WWC1: variants seen among roughly 807,000 people sequenced by gnomAD.
WWC1 encodes the protein WW and C2 domain containing 1, also known as protein KIBRA.
Under a neutral mutation model 138.4 loss-of-function variants are expected in WWC1, and 55 were observed. The observed-to-expected ratio is 0.40, with a 90% CI of 0.32 to 0.50. The LOEUF is 0.50. Ranked by LOEUF, WWC1 falls within the 20% of genes least tolerant of loss-of-function variation. The pLI, the probability that WWC1 is intolerant of heterozygous loss-of-function variation, is 0.72. For synonymous variants in WWC1, 524 were observed against 564.9 expected, an observed-to-expected ratio of 0.93 and a Z score of 1.03; for missense variants, 1,226 against 1,420.4, an observed-to-expected ratio of 0.86 and a Z score of 2.20.
At chr5:168,381,268 G>A (rs1272456879) in intron 2 of WWC1, among the ~76,000 whole-genome samples, 1 of 152,152 alleles carries the variant, frequency 6.6e-6, no homozygotes, top group African/African-American at 2.4e-5. Flanking sequence ...TAGTTTTACA[G>A]AGCAGTGCTG....
intron 17 of WWC1, among the ~76,000 whole-genome samples, chr5:168,450,673 T>A (rs13177768): frequency 0.31 from 47,174 of 151,612 alleles, 8,618 homozygotes; most frequent in Middle Eastern, 0.45. Context: ...CTCAAAAAAA[T>A]AAAATAAAAT....
chr5:168,409,399 C>G (rs535509449), intron 7 of WWC1, among the ~76,000 whole-genome samples: 2 of 152,318 alleles, frequency 1.3e-5, no homozygotes, highest in South Asian at 4.1e-4. Flanking sequence ...CCTTCCTTCC[C>G]CATACCACCA....
chr5:168,323,947 C>G (rs917010425), intron 1 of WWC1, among the ~76,000 whole-genome samples: 1 of 152,184 alleles, frequency 6.6e-6, no homozygotes, highest in African/African-American at 2.4e-5. Context: ...GACTTCTCAT[C>G]AGAGACGATA....
intron 1 of WWC1, among the ~76,000 whole-genome samples, chr5:168,355,818 T>C (rs771005022): frequency 2.0e-5 from 3 of 150,574 alleles, no homozygotes; most frequent in Non-Finnish European, 4.4e-5. Flanking sequence ...CAGGAAGGAG[T>C]GTAGGTAGAA....
intron 1 of WWC1, among the ~76,000 whole-genome samples, chr5:168,342,457 C>T (rs1007800179): frequency 1.1e-4 from 16 of 152,292 alleles, no homozygotes; most frequent in East Asian, 7.7e-4. Flanking sequence ...CCTGGAAGCT[C>T]ACAGTTCAGC....
intron 16 of WWC1, among the ~76,000 whole-genome samples, chr5:168,442,318 T>C (rs760833467): frequency 7.9e-5 from 12 of 151,730 alleles, no homozygotes; most frequent in Admixed American, 2.0e-4. Flanking sequence ...AAGGTTGTTA[T>C]GAGGATGGGC....
At chr5:168,407,626 A>G (rs1049202781) in intron 6 of WWC1, among the ~76,000 whole-genome samples, 9 of 152,192 alleles carry the variant, frequency 5.9e-5, no homozygotes, top group Admixed American at 5.9e-4. Flanking sequence ...AGTGGTTGAG[A>G]TCATGGAGCC....
chr5:168,399,752 G>A (rs960847165), intron 5 of WWC1, among the ~76,000 whole-genome samples, 185 bp downstream of exon 5: 1 of 152,100 alleles, frequency 6.6e-6, no homozygotes, highest in Non-Finnish European at 1.5e-5. Flanking sequence ...GGTGGGGTTT[G>A]GAAAGAGGAA....
intron 8 of WWC1, among the ~76,000 whole-genome samples, chr5:168,413,857 G>A (rs1273425502): frequency 1.3e-5 from 2 of 152,172 alleles, no homozygotes; most frequent in Non-Finnish European, 2.9e-5. Context: ...TGGGGAATTG[G>A]CCCAATGTTA....
chr5:168,303,108 G>A (rs1276019523), intron 1 of WWC1, among the ~76,000 whole-genome samples: 1 of 152,128 alleles, frequency 6.6e-6, no homozygotes, highest in East Asian at 1.9e-4. Context: ...CCGTTTTGCA[G>A]ACAAGGAAAC....
Position 168,471,989 on chromosome 5 carries a change from A to T in WWC1, c.*2972A>T, listed in dbSNP as rs150329647. The T allele has an allele frequency of 3.1e-4, 48 of 152,406 alleles. No homozygotes were observed. The highest frequency in any genetic ancestry group is 5.9e-4 in the Admixed American group (9 of 15,310). The allele number at this position is 152,406 out of a possible 1,614,324, so 9.4% of individuals were successfully genotyped here. ...CTCAGTGACACATTCATCTGTGCTC[A>T]GTTGTCCCAGCAAGGGTCAGCCCCT... On this transcript the variant is annotated 3_prime_UTR_variant, in exon 23 of 23. Coordinates refer to ENST00000265293, the MANE Select transcript of WWC1 (RefSeq NM_015238.3).
chr5:168,310,370 AATT>A (rs1457702807), intron 1 of WWC1, among the ~76,000 whole-genome samples: 1 of 151,274 alleles, frequency 6.6e-6, no homozygotes, highest in Non-Finnish European at 1.5e-5. Flanking sequence ...TATTATATAT[AATT>A]ATTTATCTAA....
At chr5:168,427,995 C>G in intron 11 of WWC1, 38 bp from the exon 12 acceptor site, 1 of 1,585,378 alleles carries the variant, frequency 6.3e-7, no homozygotes, top group Non-Finnish European at 8.7e-7. Context: ...AGGCAGTTTC[C>G]TGGTTCCTGA....
chr5:168,403,013 T>TCTTC (rs1779440424), intron 5 of WWC1, among the ~76,000 whole-genome samples: 1 of 65,582 alleles, frequency 1.5e-5, no homozygotes, highest in East Asian at 4.0e-4. Flanking sequence ...TCTTTTTCTT[T>TCTTC]CTTTCTTTCT....
intron 8 of WWC1, among the ~76,000 whole-genome samples, chr5:168,412,871 C>T (rs1780335702): frequency 6.6e-6 from 1 of 152,070 alleles, no homozygotes; most frequent in Admixed American, 6.6e-5. Context: ...AACACTATGC[C>T]ATTTTATATA....
intron 8 of WWC1, chr5:168,410,285 G>C (rs971446171): frequency 5.3e-6 from 2 of 378,618 alleles, no homozygotes; most frequent in Non-Finnish European, 9.8e-6. Flanking sequence ...TTCTGCAACC[G>C]AGGCTTTCCC....
rs1582194083 is a variant in WWC1, at chr5:168,408,991, G to T, written c.867+338G>T. Among the ~76,000 whole-genome samples the T allele has an allele frequency of 4.6e-5, 7 of 152,028 alleles. 1 individual carries two copies. The highest frequency in any genetic ancestry group is 4.6e-4 in the Admixed American group (7 of 15,276). On this transcript the variant is annotated intron_variant, in intron 7 of 22. Coordinates refer to ENST00000265293, the MANE Select transcript of WWC1 (RefSeq NM_015238.3). ...TTTTTTTTTTCCATACTATTTTGCA[G>T]TTCCATTTTCATTTTTCTTTCCCCA... is the stretch of plus-strand genomic sequence containing the variant.
intron 15 of WWC1, among the ~76,000 whole-genome samples, chr5:168,433,856 C>T (rs1249803192): frequency 6.6e-6 from 1 of 152,238 alleles, no homozygotes; most frequent in Non-Finnish European, 1.5e-5. Flanking sequence ...TATTGATCCT[C>T]ACTCCAACCT....
At chr5:168,317,746 G>A (rs185654795) in intron 1 of WWC1, among the ~76,000 whole-genome samples, 24 of 152,298 alleles carry the variant, frequency 1.6e-4, no homozygotes, top group African/African-American at 5.8e-4. Context: ...GGGAAGGAGA[G>A]GCAAGTGGAC....
Sources: gnomAD v4.1 joint callset for allele counts (sites outside exome capture counted in the v4.1 genomes callset) on GRCh38, gnomAD v4.1.1 for gene constraint, MANE v1.5 for transcripts, NCBI Gene and HGNC (gene_info 2026-07-23, HGNC 2026-07-21) for gene names.